NCAM2: variants seen among roughly 807,000 people sequenced by gnomAD.
The protein encoded by NCAM2 is N-CAM-2.
Under a neutral mutation model 98.1 loss-of-function variants are expected in NCAM2, and 30 were observed. That is an observed-to-expected ratio of 0.31 (90% CI 0.23 to 0.41). The LOEUF (loss-of-function observed/expected upper bound fraction) is 0.41. Among genes scored for constraint, NCAM2 ranks in the 10% least tolerant of loss-of-function variants. The probability of loss-of-function intolerance (pLI) is 1.00; values close to 1 mark genes in which losing one functional copy is unlikely to be tolerated. For synonymous variants in NCAM2, 368 were observed against 342.4 expected, an observed-to-expected ratio of 1.07 and a Z score of -0.83; for missense variants, 867 against 1,005.8, an observed-to-expected ratio of 0.86 and a Z score of 1.87.
At chr21:21,324,238 T>A (rs1373544094) in intron 5 of NCAM2, 145 bp from the exon 6 acceptor site, 9 of 573,838 alleles carry the variant, frequency 1.6e-5, no homozygotes, top group Non-Finnish European at 1.2e-5. Flanking sequence ...AAAGTTATTT[T>A]ACTGTGAAAC....
chr21:21,414,357 A>T (rs1443945095), intron 10 of NCAM2, among the ~76,000 whole-genome samples: 1 of 152,214 alleles, frequency 6.6e-6, no homozygotes, highest in Non-Finnish European at 1.5e-5. Context: ...TAATGGCGTC[A>T]GCATGGTGAA....
At chr21:21,153,932 T>A (rs1008244779) in intron 1 of NCAM2, among the ~76,000 whole-genome samples, 11 of 151,886 alleles carry the variant, frequency 7.2e-5, no homozygotes, top group African/African-American at 2.7e-4. Flanking sequence ...AGAAGGGGCA[T>A]GTTCAAAGTG....
intron 1 of NCAM2, among the ~76,000 whole-genome samples, chr21:21,021,352 G>A (rs1024621435): frequency 3.9e-5 from 6 of 152,162 alleles, no homozygotes; most frequent in African/African-American, 1.4e-4. Context: ...GCTGTGAAAA[G>A]CAAAGTTGAT....
chr21:21,482,245 G>C (rs1985957375), intron 15 of NCAM2, among the ~76,000 whole-genome samples: 1 of 152,096 alleles, frequency 6.6e-6, no homozygotes, highest in Admixed American at 6.5e-5. Context: ...TTTAAAGGCT[G>C]TGATGATGGG....
chr21:21,080,019 G>A (rs2065758574), intron 1 of NCAM2, among the ~76,000 whole-genome samples: 1 of 152,108 alleles, frequency 6.6e-6, no homozygotes, highest in Admixed American at 6.5e-5. Context: ...TAACAATAGT[G>A]TATTATGAAC....
intron 1 of NCAM2, among the ~76,000 whole-genome samples, chr21:21,016,954 A>G (rs2064321665): frequency 6.6e-6 from 1 of 152,182 alleles, no homozygotes; most frequent in Non-Finnish European, 1.5e-5. Flanking sequence ...ACCAAAATGC[A>G]TACCCTTGTC....
intron 1 of NCAM2, among the ~76,000 whole-genome samples, chr21:21,094,861 A>T (rs748034629): frequency 6.6e-6 from 1 of 151,754 alleles, no homozygotes; most frequent in African/African-American, 2.4e-5. Flanking sequence ...AAAAAATTCC[A>T]TGGGGACATT....
chr21:21,152,139 T>C (rs1391424519), intron 1 of NCAM2, among the ~76,000 whole-genome samples: 2 of 152,020 alleles, frequency 1.3e-5, no homozygotes, highest in Non-Finnish European at 2.9e-5. Flanking sequence ...GCTCATTTAT[T>C]TTTTTCTCTC....
At chr21:21,332,755 TC>T (rs2074750933) in intron 6 of NCAM2, among the ~76,000 whole-genome samples, 1 of 152,148 alleles carries the variant, frequency 6.6e-6, no homozygotes, top group Admixed American at 6.6e-5. Context: ...CTGTTCGTGT[TC>T]TCTGCCTCCC....
At chr21:21,198,182 ATATG>A (rs1054900334) in intron 1 of NCAM2, among the ~76,000 whole-genome samples, 9 of 107,052 alleles carry the variant, frequency 8.4e-5, no homozygotes, top group African/African-American at 3.2e-4. Context: ...TATGTAAAGT[ATATG>A]TGTGTGTGTG....
At chr21:21,418,604 CAAT>C (rs762664522) in intron 11 of NCAM2, 35 bp downstream of exon 11, 5 of 1,409,200 alleles carry the variant, frequency 3.5e-6, no homozygotes, top group Non-Finnish European at 4.0e-6. Flanking sequence ...AGATCGCACA[CAAT>C]ATTTCTGAGA....
At chr21:21,330,174 A>G (rs1044033087) in intron 6 of NCAM2, among the ~76,000 whole-genome samples, 13 of 151,270 alleles carry the variant, frequency 8.6e-5, no homozygotes, top group Non-Finnish European at 1.6e-4. Context: ...TTTTATTATT[A>G]TTTTCCTCCT....
intron 1 of NCAM2, among the ~76,000 whole-genome samples, chr21:21,110,612 G>T (rs960554789): frequency 6.7e-6 from 1 of 150,336 alleles, no homozygotes; most frequent in Non-Finnish European, 1.5e-5. Flanking sequence ...TAGTTTCATG[G>T]ATCTTTTCAT....
intron 12 of NCAM2, among the ~76,000 whole-genome samples, chr21:21,435,766 C>G (rs1302536018): frequency 6.6e-6 from 1 of 152,142 alleles, no homozygotes; most frequent in Admixed American, 6.5e-5. Context: ...TTAAGAGTAC[C>G]TGTGTAATGG....
At chr21:21,207,859 A>G (rs912150091) in intron 1 of NCAM2, among the ~76,000 whole-genome samples, 2 of 152,166 alleles carry the variant, frequency 1.3e-5, no homozygotes, top group African/African-American at 4.8e-5. Context: ...TGTAAACTGC[A>G]TATTATCAGG....
chr21:21,193,862 A>G (rs1032819100), intron 1 of NCAM2, among the ~76,000 whole-genome samples: 2 of 152,110 alleles, frequency 1.3e-5, no homozygotes, highest in Non-Finnish European at 2.9e-5. Flanking sequence ...TTATTCTTGC[A>G]TTATTATTTC....
chr21:21,120,154 A>T (rs1336633332), intron 1 of NCAM2, among the ~76,000 whole-genome samples: 1 of 152,208 alleles, frequency 6.6e-6, no homozygotes, highest in Non-Finnish European at 1.5e-5. Flanking sequence ...AGACTTTGCA[A>T]GTTTTATTAG....
intron 1 of NCAM2, among the ~76,000 whole-genome samples, chr21:21,209,095 AT>A (rs1288254153): frequency 2.0e-5 from 3 of 152,144 alleles, no homozygotes; most frequent in African/African-American, 2.4e-5. Context: ...CGACACCTTG[AT>A]GTTCCCCACT....
intron 1 of NCAM2, among the ~76,000 whole-genome samples, chr21:21,031,278 C>G (rs1223501836): frequency 6.6e-6 from 1 of 152,094 alleles, no homozygotes; most frequent in Non-Finnish European, 1.5e-5. Context: ...ATAACCTGCT[C>G]TAATATTTGT....
Sources: allele counts gnomAD v4.1 joint callset (sites outside exome capture counted in the v4.1 genomes callset), GRCh38; gene constraint gnomAD v4.1.1; transcripts MANE v1.5; gene names NCBI Gene and HGNC (gene_info 2026-07-23, HGNC 2026-07-21).